Variants in RUNX2 observed in about 807,000 individuals in gnomAD.
RUNX2 encodes the protein runt-related transcription factor 2.
A neutral mutation model predicts 51.7 loss-of-function variants in RUNX2; 10 were observed. The ratio of observed to expected loss-of-function variants is 0.19; its 90% CI spans 0.12 to 0.33. RUNX2 has a LOEUF of 0.33. Ranked by LOEUF, RUNX2 falls within the 10% of genes least tolerant of loss-of-function variation. The pLI is 1.00. For missense variants in RUNX2, 562 were observed against 691.3 expected (o/e 0.81, Z 2.10); for synonymous variants, 276 against 273.6 (o/e 1.01, Z -0.09).
chr6:45,423,381 C>T (rs557313250), intron 3 of RUNX2, among the ~76,000 whole-genome samples: 1 of 152,274 alleles, frequency 6.6e-6, no homozygotes, highest in Non-Finnish European at 1.5e-5. Flanking sequence ...CCCTGGGGCT[C>T]CCGCGTCCTT....
chr6:45,419,638 A>T (rs1798136205), intron 2 of RUNX2, among the ~76,000 whole-genome samples: 1 of 152,054 alleles, frequency 6.6e-6, no homozygotes, highest in Non-Finnish European at 1.5e-5. Flanking sequence ...GACTCGAGAG[A>T]CCTGTGCACG....
chr6:45,506,274 T>A lies in RUNX2; in HGVS notation c.860-5972T>A, dbSNP rs558012476. Among the ~76,000 whole-genome samples the A allele has an allele frequency of 2.0e-5, 3 of 152,332 alleles. No individual in the cohort carries two copies. In the East Asian group the frequency reaches 5.8e-4, roughly 29 times the overall value. On this transcript the variant is annotated intron_variant, in intron 6 of 8. Coordinates refer to ENST00000647337, the MANE Select transcript of RUNX2 (RefSeq NM_001024630.4). ...TCATTTTGATCAATCACATCCTGTC[T>A]GTGAGTACAGCAGACCCATCAGATA... is the stretch of plus-strand genomic sequence containing the variant.
chr6:45,531,323 G>A (rs982257998), intron 7 of RUNX2, among the ~76,000 whole-genome samples: 4 of 152,262 alleles, frequency 2.6e-5, no homozygotes, highest in South Asian at 4.1e-4. Context: ...ATGGTTTGAT[G>A]CAGATCAGAG....
At chr6:45,448,170 G>A (rs1799057947) in intron 5 of RUNX2, among the ~76,000 whole-genome samples, 1 of 152,194 alleles carries the variant, frequency 6.6e-6, no homozygotes, top group South Asian at 2.1e-4. Context: ...TCCTGCAGAG[G>A]AGAAAGCAAA....
Position 45,422,647 on chromosome 6 carries a change from A to G in RUNX2, c.113A>G (p.Lys38Arg), listed in dbSNP as rs1798235660. 3.1e-6 allele frequency: 5 copies of G among 1,606,288 alleles called. No individual in the cohort carries two copies. Among genetic ancestry groups the G allele is most frequent in the Non-Finnish European group, 3.4e-6 (4 of 1,177,164 alleles). The change falls in exon 3 of 9, where the codon AAA (lysine) becomes AGA (arginine). Residue 38 changes from lysine to arginine, a missense_variant. By Grantham distance (26) the Lys-to-Arg change is conservative. Around this residue, in one of 5 missense-constraint regions of RUNX2, gnomAD observed 153 missense variants for 144.8 expected, o/e 1.06. Transcript: ENST00000647337. Reference protein sequence around the residue: ...SPPSSSLQPGKMSDVSPVVAA... With the variant: ...SPPSSSLQPGRMSDVSPVVAA... ...CCCTCCAGCAGCCTGCAGCCCGGCA[A>G]AATGAGCGACGTGAGCCCGGTGGTG...
At chr6:45,470,900 T>G (rs1296636801) in intron 5 of RUNX2, among the ~76,000 whole-genome samples, 1 of 152,184 alleles carries the variant, frequency 6.6e-6, no homozygotes, top group Non-Finnish European at 1.5e-5. Context: ...TTAAACTGAT[T>G]CATTTTAACC....
intron 7 of RUNX2, among the ~76,000 whole-genome samples, chr6:45,520,059 T>G (rs1563121764): frequency 6.6e-6 from 1 of 152,068 alleles, no homozygotes; most frequent in Non-Finnish European, 1.5e-5. Context: ...CTCGAACTCC[T>G]GACCTCAGGT....
chr6:45,406,824 A>G (rs1294299954), intron 2 of RUNX2, among the ~76,000 whole-genome samples: 1 of 152,168 alleles, frequency 6.6e-6, no homozygotes, highest in Non-Finnish European at 1.5e-5. Flanking sequence ...GAATTTTCCA[A>G]ACCAATCTCC....
At chr6:45,425,458 G>A (rs1050740242) in intron 3 of RUNX2, among the ~76,000 whole-genome samples, 14 of 152,164 alleles carry the variant, frequency 9.2e-5, no homozygotes, top group Admixed American at 7.2e-4. Context: ...TAAACAGACC[G>A]TAGGTAACAA....
intron 7 of RUNX2, among the ~76,000 whole-genome samples, chr6:45,540,992 A>C (rs541527667): frequency 1.3e-5 from 2 of 152,314 alleles, no homozygotes; most frequent in South Asian, 4.1e-4. Context: ...AGAGTTGTAT[A>C]AGGTTTTATA....
chr6:45,342,743 A>T (rs200225884), intron 2 of RUNX2, among the ~76,000 whole-genome samples: 4 of 114,268 alleles, frequency 3.5e-5, no homozygotes, highest in Admixed American at 1.1e-4. Flanking sequence ...GTTTGCGTTA[A>T]TGTTTTAAAA....
At chr6:45,387,460 C>T (rs554326551) in intron 2 of RUNX2, among the ~76,000 whole-genome samples, 5 of 152,284 alleles carry the variant, frequency 3.3e-5, no homozygotes, top group South Asian at 2.1e-4. Flanking sequence ...GAAACATTCT[C>T]GCAAGAATCT....
At chr6:45,525,704 C>G (rs191530452) in intron 7 of RUNX2, among the ~76,000 whole-genome samples, 185 of 152,206 alleles carry the variant, frequency 1.2e-3, no homozygotes, top group African/African-American at 4.4e-3. Flanking sequence ...CATCAGAAAA[C>G]TAAATTCCGG....
At chr6:45,463,024 G>A (rs563535540) in intron 5 of RUNX2, among the ~76,000 whole-genome samples, 69 of 152,306 alleles carry the variant, frequency 4.5e-4, no homozygotes, top group Non-Finnish European at 7.2e-4. Flanking sequence ...AGTGGCACAG[G>A]CACCTTTACA....
At chr6:45,365,909 T>C (rs1311627594) in intron 2 of RUNX2, among the ~76,000 whole-genome samples, 1 of 151,984 alleles carries the variant, frequency 6.6e-6, no homozygotes, top group Non-Finnish European at 1.5e-5. Flanking sequence ...TATGGGTAAA[T>C]AACTTACTCA....
chr6:45,486,303 G>A (rs912773378), intron 5 of RUNX2, among the ~76,000 whole-genome samples: 3 of 152,112 alleles, frequency 2.0e-5, no homozygotes, highest in African/African-American at 7.2e-5. Flanking sequence ...TTGAGGGCAA[G>A]GATATTATCT....
intron 7 of RUNX2, among the ~76,000 whole-genome samples, chr6:45,516,856 A>T (rs920341921): frequency 6.6e-6 from 1 of 152,234 alleles, no homozygotes. Context: ...AATGTATTTT[A>T]TACAATTATC....
chr6:45,349,212 T>C (rs1326936155), intron 2 of RUNX2, among the ~76,000 whole-genome samples: 1 of 152,186 alleles, frequency 6.6e-6, no homozygotes, highest in African/African-American at 2.4e-5. Flanking sequence ...TACTTCTACA[T>C]ATTTAAAGTC....
At chr6:45,503,016 G>A (rs150690674) in intron 6 of RUNX2, among the ~76,000 whole-genome samples, 3 of 152,220 alleles carry the variant, frequency 2.0e-5, no homozygotes, top group South Asian at 2.1e-4. Flanking sequence ...AACTGGACAC[G>A]GGCCTAAAGC....
Sources: allele counts gnomAD v4.1 joint callset (sites outside exome capture counted in the v4.1 genomes callset), GRCh38; gene constraint gnomAD v4.1.1; regional missense constraint gnomAD v4.1.1; transcripts MANE v1.5; gene names NCBI Gene and HGNC (gene_info 2026-07-23, HGNC 2026-07-21).